Variants in TFR2 observed in about 807,000 individuals in gnomAD.
The protein encoded by TFR2 is transferrin receptor protein 2.
A neutral mutation model predicts 91.9 loss-of-function variants in TFR2; 64 were observed. The ratio of observed to expected loss-of-function variants is 0.70; its 90% CI spans 0.57 to 0.86. The LOEUF is 0.86. TFR2 is among the 40% of genes least tolerant of loss of function. TFR2 has a pLI of 0.00. For missense variants in TFR2, 950 were observed against 1,080.5 expected (o/e 0.88, Z 1.69); for synonymous variants, 454 against 459.6 (o/e 0.99, Z 0.15).
At chr7:100,632,369 C>T (rs927659753) in intron 6 of TFR2, among the ~76,000 whole-genome samples, 171 bp from the exon 7 acceptor site, 1 of 152,120 alleles carries the variant, frequency 6.6e-6, no homozygotes, top group African/African-American at 2.4e-5. Flanking sequence ...CTAGGCAGCC[C>T]TCAAACCCCA....
intron 3 of TFR2, among the ~76,000 whole-genome samples, chr7:100,635,432 A>AATTATTATTATT (rs60473539): frequency 1.4e-5 from 2 of 143,444 alleles, no homozygotes; most frequent in African/African-American, 5.1e-5. Flanking sequence ...TTTTTTAAAA[A>AATTATTATTATT]ATTATTATTA....
At chr7:100,630,621 A>G (rs376528257) in intron 9 of TFR2, among the ~76,000 whole-genome samples, 8 of 152,216 alleles carry the variant, frequency 5.3e-5, no homozygotes, top group African/African-American at 1.7e-4. Flanking sequence ...ACATCATCCA[A>G]CTTAGGCTTA....
chr7:100,641,384 C>T (rs1436155395), intron 1 of TFR2, 93 bp downstream of exon 1: 22 of 1,553,258 alleles, frequency 1.4e-5, no homozygotes, highest in Admixed American at 1.8e-5. Context: ...GGTCAGGACA[C>T]GGTCCAGGAG....
Position 100,629,241 on chromosome 7 carries a change from C to A in TFR2, c.1390+12G>T, listed in dbSNP as rs1317690165. ...TGCCTAGCCCAGGCCCAGGCCCTGG[C>A]CCTGACCTTACCGTTGCTCACCATG... On this transcript the variant is annotated intron_variant, in intron 10 of 17. Coordinates refer to ENST00000223051, the MANE Select transcript of TFR2 (RefSeq NM_003227.4). The A allele has an allele frequency of 1.2e-6, 2 of 1,613,328 alleles. No individual in the cohort carries two copies. The highest frequency in any genetic ancestry group is 2.7e-5 in the African/African-American group (2 of 74,926).
intron 6 of TFR2, among the ~76,000 whole-genome samples, 169 bp from the exon 7 acceptor site, chr7:100,632,367 C>T (rs998403662): frequency 4.6e-5 from 7 of 152,090 alleles, no homozygotes; most frequent in Admixed American, 4.6e-4. Context: ...TCCTAGGCAG[C>T]CCTCAAACCC....
Position 100,633,125 on chromosome 7 carries a change from T to C in TFR2, c.727-2A>G. 6.2e-7 allele frequency: 1 copy of C among 1,613,364 alleles called. No individual in the cohort carries two copies. Among genetic ancestry groups the C allele is most frequent in the Non-Finnish European group, 8.5e-7 (1 of 1,179,848 alleles). ...GTAGTGGGCGTACACCAGCTCTCCC[T>C]GGGGACACGAGGACGGTGAGGCGCG... On this transcript the variant is annotated splice_acceptor_variant, in intron 5 of 17. Transcript: ENST00000223051. LOFTEE classifies it high-confidence loss of function.
At position 100,620,974 on chromosome 7, in the gene TFR2, G is replaced by C; in HGVS notation, c.2289C>G (p.Ser763=). 6.2e-7 allele frequency: 1 copy of C among 1,612,922 alleles called. No individual in the cohort carries two copies. The highest frequency in any genetic ancestry group is 8.5e-7 in the Non-Finnish European group (1 of 1,179,562). Residue 763 remains serine (S), a synonymous_variant, in exon 18 of 18, where the codon TCC becomes TCG. Coordinates refer to ENST00000223051, the MANE Select transcript of TFR2 (RefSeq NM_003227.4). ...SNSSGTPGAT[S]STGFQESRFR... ...AACGGCTCTCCTGGAAGCCAGTGGAGGAGGTGGCCCCGGGGGTCCCGGAGC... is the reference window on the plus strand; with the variant it reads ...AACGGCTCTCCTGGAAGCCAGTGGACGAGGTGGCCCCGGGGGTCCCGGAGC...
At position 100,632,045 on chromosome 7, in the gene TFR2, G is replaced by C. The variant is rs947773534; in HGVS notation, c.966+37C>G. On this transcript the variant is annotated intron_variant, in intron 7 of 17. Transcript: ENST00000223051. ...TCTGAGCAAGAAGGTGTGGCCTCGG[G>C]ACCTGGGAACAGCACGACCAGCCTC... 6 of 1,613,794 alleles carry C rather than the reference G, an allele frequency of 3.7e-6. No individual in the cohort carries two copies. The Admixed American group carries it at 6.7e-5, about 18-fold the overall frequency.
In TFR2 at chr7:100,631,061, G is replaced by A; in HGVS notation, c.1107-9C>T. ...CAGGGCCTTTGAGCTTCCTGGAGAG[G>A]AGGAAGGCAGAAAGGGGGAAGTTGT... On this transcript the variant is annotated splice_polypyrimidine_tract_variant and intron_variant, in intron 8 of 17. Coordinates refer to ENST00000223051, the MANE Select transcript of TFR2 (RefSeq NM_003227.4). 6.4e-7 allele frequency: 1 copy of A among 1,552,170 alleles called. No individual in the cohort carries two copies. Among genetic ancestry groups the A allele is most frequent in the African/African-American group, 1.4e-5 (1 of 72,344 alleles).
At chr7:100,641,418 G>A in intron 1 of TFR2, 59 bp downstream of exon 1, 1 of 1,606,112 alleles carries the variant, frequency 6.2e-7, no homozygotes, top group Admixed American at 1.7e-5. Context: ...GGGCTTGGGA[G>A]GGGGCTGAGG....
chr7:100,629,043 G>A (rs554860849), intron 10 of TFR2, among the ~76,000 whole-genome samples: 3 of 152,298 alleles, frequency 2.0e-5, no homozygotes, highest in Admixed American at 6.5e-5. Context: ...GACTACAGGC[G>A]TGAGCTACCG....
At chr7:100,626,279 G>A (rs556850192) in intron 17 of TFR2, among the ~76,000 whole-genome samples, 5 of 152,266 alleles carry the variant, frequency 3.3e-5, no homozygotes, top group Admixed American at 1.3e-4. Context: ...TAACTTTCAC[G>A]TGACACCTCC....
At position 100,626,850 on chromosome 7, in the gene TFR2, C is replaced by T; in HGVS notation, c.2049G>A (p.Arg683=). 6.5e-7 allele frequency: 1 copy of T among 1,549,240 alleles called. No individual in the cohort carries two copies. The highest frequency in any genetic ancestry group is 8.7e-7 in the Non-Finnish European group (1 of 1,147,138). The change falls in exon 17 of 18, where the codon CGG becomes CGA. Residue 683 remains arginine (R), a synonymous_variant. Coordinates refer to ENST00000223051, the MANE Select transcript of TFR2 (RefSeq NM_003227.4). ...WVYSARGDYI[R]AAEKLRQEIY... is the part of the protein sequence containing the mutation. ...TCTCCTGCCGCAGCTTTTCCGCCGC[C>T]CGGATGTAGTCCCCCCGCGCCGAGT...
chr7:100,632,241 C>G, intron 6 of TFR2, 43 bp from the exon 7 acceptor site: 1 of 1,574,646 alleles, frequency 6.4e-7, no homozygotes, highest in South Asian at 1.1e-5. Flanking sequence ...AGAAAAAAAC[C>G]CGATTCATAA....
rs963087261 is a variant in TFR2 at position 100,621,007 on chromosome 7, G to C, written c.2256C>G (p.Arg752=). Residue 752 remains arginine (R), a synonymous_variant, in exon 18 of 18, where the codon CGC becomes CGG. Coordinates refer to ENST00000223051, the MANE Select transcript of TFR2 (RefSeq NM_003227.4). ...CCCCGGGGGTCCCGGAGCTGTTGGA[G>C]CGCAGCAGCCGCAGGTGGTCCAGCA... is the stretch of plus-strand genomic sequence containing the variant. The part of the protein sequence containing the change: ...GALLDHLRLL[R]SNSSGTPGAT... 3.7e-6 allele frequency: 6 copies of C among 1,606,154 alleles called. No individual in the cohort carries two copies. The highest frequency in any genetic ancestry group is 5.1e-6 in the Non-Finnish European group (6 of 1,176,752).
In TFR2 at chr7:100,626,829, C is replaced by T; in HGVS notation, c.2070G>A (p.Gln690=). 6.5e-7 allele frequency: 1 copy of T among 1,549,678 alleles called. No homozygotes were observed. The highest frequency in any genetic ancestry group is 8.7e-7 in the Non-Finnish European group (1 of 1,146,986). Reference sequence around the variant, plus strand: ...CTCTCTCCTCCGAGCTGTAGATCTCCTGCCGCAGCTTTTCCGCCGCCCGGA... The same window carrying T: ...CTCTCTCCTCCGAGCTGTAGATCTCTTGCCGCAGCTTTTCCGCCGCCCGGA... The part of the protein sequence containing the change: ...DYIRAAEKLR[Q]EIYSSEERDE... The change falls in exon 17 of 18, where the codon CAG becomes CAA. Residue 690 remains glutamine, a synonymous_variant. Coordinates refer to ENST00000223051, the MANE Select transcript of TFR2 (RefSeq NM_003227.4).
chr7:100,632,381 C>T (rs1051207212), intron 6 of TFR2, among the ~76,000 whole-genome samples, 183 bp from the exon 7 acceptor site: 1 of 152,078 alleles, frequency 6.6e-6, no homozygotes, highest in Non-Finnish European at 1.5e-5. Flanking sequence ...CAAACCCCAC[C>T]GGGCTCCAGG....
Position 100,621,669 on chromosome 7 carries a change from C to G in TFR2, c.2137-543G>C, listed in dbSNP as rs184479058. Reference sequence around the variant, plus strand: ...GAACAATCTATCGCCCTGCTGTTCCCTTCTTAACACCACACCTCCCCACAC... The same window carrying G: ...GAACAATCTATCGCCCTGCTGTTCCGTTCTTAACACCACACCTCCCCACAC... On this transcript the variant is annotated intron_variant, in intron 17 of 17. Transcript: ENST00000223051. Among the ~76,000 whole-genome samples, 1,056 of 152,274 alleles carry G rather than the reference C, an allele frequency of 6.9e-3. 2 individuals are homozygous for G. Among genetic ancestry groups the G allele is most frequent in the Admixed American group, 0.013 (194 of 15,272 alleles).
Position 100,620,960 on chromosome 7 carries a change from T to C in TFR2, c.2303A>G (p.Gln768Arg). ...TAGCTGACGCCGGAAACGGCTCTCCTGGAAGCCAGTGGAGGAGGTGGCCCC... is the reference window on the plus strand; with the variant it reads ...TAGCTGACGCCGGAAACGGCTCTCCCGGAAGCCAGTGGAGGAGGTGGCCCC... ...TPGATSSTGFQESRFRRQLAL... is the reference protein window; with the variant it reads ...TPGATSSTGFRESRFRRQLAL... Residue 768 changes from glutamine to arginine, a missense_variant, in exon 18 of 18, where the codon CAG (glutamine) becomes CGG (arginine). By Grantham distance (43) the Gln-to-Arg change is conservative. Coordinates refer to ENST00000223051, the MANE Select transcript of TFR2 (RefSeq NM_003227.4). 1 of 1,613,322 alleles carries C rather than the reference T, an allele frequency of 6.2e-7. No individual in the cohort carries two copies. The highest frequency in any genetic ancestry group is 1.3e-5 in the African/African-American group (1 of 75,062).
Sources: gnomAD v4.1 joint callset for allele counts (sites outside exome capture counted in the v4.1 genomes callset) on GRCh38, gnomAD v4.1.1 for gene constraint, MANE v1.5 for transcripts, NCBI Gene and HGNC (gene_info 2026-07-23, HGNC 2026-07-21) for gene names.